Variants in CCNF observed in about 807,000 individuals in gnomAD.
The protein encoded by CCNF is cyclin F.
CCNF carries 30 observed loss-of-function variants against 85.4 expected under a neutral mutation model. That is an observed-to-expected ratio of 0.35 (90% CI 0.26 to 0.48). CCNF has a LOEUF of 0.48. Ranked by LOEUF, CCNF falls within the 20% of genes least tolerant of loss-of-function variation. CCNF has a pLI of 0.99. For missense variants in CCNF, 919 were observed against 1,010.4 expected, an observed-to-expected ratio of 0.91 and a Z score of 1.23; for synonymous variants, 439 against 425.1, an observed-to-expected ratio of 1.03 and a Z score of -0.40.
chr16:2,449,502 A>G, intron 12 of CCNF, 40 bp downstream of exon 12: 1 of 1,570,970 alleles, frequency 6.4e-7, no homozygotes, highest in Non-Finnish European at 8.6e-7. Flanking sequence ...GTGTCGGGGA[A>G]GGTGCTGACA....
At chr16:2,446,148 G>C (rs1041711575) in intron 10 of CCNF, among the ~76,000 whole-genome samples, 2 of 152,204 alleles carry the variant, frequency 1.3e-5, no homozygotes, top group Non-Finnish European at 2.9e-5. Context: ...GGGGGCCGCT[G>C]TGTGGGGTGC....
chr16:2,457,298 T>C lies in CCNF; in HGVS notation c.*278T>C. 3.1e-6 allele frequency: 1 copy of C among 318,266 alleles called. No individual in the cohort carries two copies. Among genetic ancestry groups the C allele is most frequent in the Non-Finnish European group, 5.8e-6 (1 of 172,170 alleles). 19.7% of individuals were successfully genotyped at this position (318,266 alleles called of 1,614,324 possible). On this transcript the variant is annotated 3_prime_UTR_variant, in exon 17 of 17. Transcript: ENST00000397066. ...AGGGCACCTCTCTGTCCCTTCCGTG[T>C]CTCACTGTCTCTGGAAGCTTCAGCC...
rs771852887 is a variant in CCNF at position 2,443,760 on chromosome 16, C to G, written c.889C>G (p.Gln297Glu). 12 of 1,614,026 alleles carry G rather than the reference C, an allele frequency of 7.4e-6. 1 individual carries two copies. In the Middle Eastern group the frequency reaches 4.9e-4, roughly 66 times the overall value. ...FQASQAVSKQ[Q>E]VFSVQKGLND... ...GGCTTCCCAGGCTGTCAGTAAACAA[C>G]AAGTCTTCTCCGTGCAGAAGGGACT... Residue 297 changes from glutamine (Q) to glutamate (E), a missense_variant, in exon 9 of 17, where the codon CAA becomes GAA. Physicochemically the swap from Gln to Glu is conservative, Grantham distance 29. Around this residue, in one of 3 missense-constraint regions of CCNF, gnomAD observed 410 missense variants for 478.6 expected, o/e 0.86. Coordinates refer to ENST00000397066, the MANE Select transcript of CCNF (RefSeq NM_001761.3).
intron 11 of CCNF, 55 bp downstream of exon 11, chr16:2,449,033 TGGG>T: frequency 3.8e-6 from 3 of 785,358 alleles, no homozygotes; most frequent in Non-Finnish European, 6.6e-6. Flanking sequence ...TGCTGGAGGG[TGGG>T]GGTGGGCATT....
At chr16:2,446,455 C>A (rs917104774) in intron 10 of CCNF, among the ~76,000 whole-genome samples, 4 of 152,252 alleles carry the variant, frequency 2.6e-5, no homozygotes, top group African/African-American at 9.6e-5. Flanking sequence ...GGCAGCCTGT[C>A]CTTTTCAAAT....
rs1258762231 is a variant in CCNF, at chr16:2,453,784, G to A, written c.1715+247G>A. On this transcript the variant is annotated intron_variant, in intron 15 of 16. Coordinates refer to ENST00000397066, the MANE Select transcript of CCNF (RefSeq NM_001761.3). This position sits in a 1 kb window ranked among gnomAD's most constrained non-coding sequence, Gnocchi z 5.6. ...TCTCGCTCTGACTGGGCTCCCTGTGGAGGAAGATGGTTTCGAGCACGCGGG... is the reference window on the plus strand; with the variant it reads ...TCTCGCTCTGACTGGGCTCCCTGTGAAGGAAGATGGTTTCGAGCACGCGGG... Among the ~76,000 whole-genome samples the A allele has an allele frequency of 2.0e-5, 3 of 148,768 alleles. No individual in the cohort carries two copies. The highest frequency in any genetic ancestry group is 4.4e-5 in the Non-Finnish European group (3 of 67,996).
At chr16:2,437,347 C>T in intron 5 of CCNF, 25 bp downstream of exon 5, 1 of 1,540,006 alleles carries the variant, frequency 6.5e-7, no homozygotes, top group Non-Finnish European at 8.8e-7. Context: ...GGGGCAGCAC[C>T]TGCGAGGCCA....
chr16:2,439,594 T>G, intron 7 of CCNF, 137 bp downstream of exon 7: 1 of 891,464 alleles, frequency 1.1e-6, no homozygotes, highest in Non-Finnish European at 1.8e-6. Context: ...CGGGAACCAC[T>G]GGTCAGTCGG....
At chr16:2,432,619 CA>C (rs2065268465) in intron 2 of CCNF, among the ~76,000 whole-genome samples, 1 of 152,182 alleles carries the variant, frequency 6.6e-6, no homozygotes, top group Non-Finnish European at 1.5e-5. Flanking sequence ...GCACAAAACA[CA>C]TTTCCGTCCT....
intron 6 of CCNF, among the ~76,000 whole-genome samples, chr16:2,439,129 C>A (rs558778610): frequency 6.7e-6 from 1 of 149,978 alleles, no homozygotes; most frequent in South Asian, 2.1e-4. Flanking sequence ...GAAACCCCGT[C>A]TCTACTAAAA....
chr16:2,455,347 A>G, intron 15 of CCNF, 48 bp from the exon 16 acceptor site: 3 of 1,499,918 alleles, frequency 2.0e-6, no homozygotes, highest in Non-Finnish European at 2.7e-6. Context: ...CTGGCCTCCC[A>G]GCGCCGCCGT....
At position 2,456,906 on chromosome 16, in the gene CCNF, G is replaced by A. The variant is rs576026186; in HGVS notation, c.2247G>A (p.Gln749=). ...ATCAGGCCAGGAAGTCATGTTTACA[G>A]TGTCGTCCCCCAAGTCCCCCGGAGA... is the stretch of plus-strand genomic sequence containing the variant. ...CHHQARKSCL[Q]CRPPSPPESS... The change falls in exon 17 of 17, where the codon CAG becomes CAA. Residue 749 remains glutamine, a synonymous_variant. Coordinates refer to ENST00000397066, the MANE Select transcript of CCNF (RefSeq NM_001761.3). The surrounding 1 kb of genome is among the most constrained non-coding windows in gnomAD (Gnocchi z 4.5). The A allele has an allele frequency of 3.7e-6, 6 of 1,614,062 alleles. No individual in the cohort carries two copies. Among genetic ancestry groups the A allele is most frequent in the Middle Eastern group, 3.3e-4 (2 of 6,084 alleles).
At chr16:2,435,621 ACACACACATATATATG>A (rs1162013503) in intron 3 of CCNF, among the ~76,000 whole-genome samples, 169 bp from the exon 4 acceptor site, 1,446 of 13,936 alleles carry the variant, frequency 0.1, 15 homozygotes, top group Middle Eastern at 0.17. Flanking sequence ...ATGCACACAC[ACACACACATATATATG>A]CACACACATA....
At position 2,453,176 on chromosome 16, in the gene CCNF, C is replaced by A; in HGVS notation, c.1488-34C>A. ...GAAGCTAAAAATGGGGTGGGGGTGC[C>A]TCACATGTCCACTCCACGTGACTCT... On this transcript the variant is annotated intron_variant, in intron 13 of 16. Transcript: ENST00000397066. This position sits in a 1 kb window ranked among gnomAD's most constrained non-coding sequence, Gnocchi z 5.6. The A allele has an allele frequency of 6.3e-7, 1 of 1,588,646 alleles. No homozygotes were observed. Among genetic ancestry groups the A allele is most frequent in the Non-Finnish European group, 8.6e-7 (1 of 1,157,392 alleles).
In CCNF at chr16:2,452,373, C is replaced by T. The variant is rs904987846; in HGVS notation, c.1488-837C>T. On this transcript the variant is annotated intron_variant, in intron 13 of 16. Coordinates refer to ENST00000397066, the MANE Select transcript of CCNF (RefSeq NM_001761.3). The surrounding 1 kb of genome is among the most constrained non-coding windows in gnomAD (Gnocchi z 4.1). The stretch of plus-strand genomic sequence containing the variant: ...CTGCAGTGCCCGGACCCTGTGCCTT[C>T]TGGGCAAGGAACGAGGCTGACAGTA... 6.6e-6 allele frequency among the ~76,000 whole-genome samples: 1 copy of T among 152,194 alleles called. No homozygotes were observed. The highest frequency in any genetic ancestry group is 2.4e-5 in the African/African-American group (1 of 41,448).
In CCNF at chr16:2,453,383, C is replaced by T. The variant is rs1596931414; in HGVS notation, c.1588-27C>T. On this transcript the variant is annotated intron_variant, in intron 14 of 16. Coordinates refer to ENST00000397066, the MANE Select transcript of CCNF (RefSeq NM_001761.3). This position sits in a 1 kb window ranked among gnomAD's most constrained non-coding sequence, Gnocchi z 5.6. ...GCGGGCCTCACCCTCGGGGCCTCTG[C>T]ACCCCCTAACTCTAGCTTCCCCTCA... 3.1e-6 allele frequency: 5 copies of T among 1,613,602 alleles called. No individual in the cohort carries two copies. The highest frequency in any genetic ancestry group is 4.2e-6 in the Non-Finnish European group (5 of 1,179,896).
intron 16 of CCNF, among the ~76,000 whole-genome samples, 181 bp downstream of exon 16, chr16:2,455,745 G>A: frequency 6.6e-6 from 1 of 152,100 alleles, no homozygotes. Flanking sequence ...GAGGAGGGGA[G>A]AGCCCCCAAA....
At chr16:2,445,850 C>G (rs1003400280) in intron 10 of CCNF, among the ~76,000 whole-genome samples, 1 of 152,082 alleles carries the variant, frequency 6.6e-6, no homozygotes, top group African/African-American at 2.4e-5. Context: ...GCCTCAGCCT[C>G]CAGAGTAGCT....
intron 1 of CCNF, among the ~76,000 whole-genome samples, chr16:2,430,038 G>A (rs2065255059): frequency 6.6e-6 from 1 of 152,212 alleles, no homozygotes; most frequent in African/African-American, 2.4e-5. Context: ...CGGAGAATGA[G>A]GAATATTTTA....
Sources: allele counts gnomAD v4.1 joint callset (sites outside exome capture counted in the v4.1 genomes callset), GRCh38; gene constraint gnomAD v4.1.1; regional missense constraint gnomAD v4.1.1; non-coding constraint Gnocchi (gnomAD v3.1); transcripts MANE v1.5; gene names NCBI Gene and HGNC (gene_info 2026-07-23, HGNC 2026-07-21).